The following CEP112 variants were observed in gnomAD, a reference collection of about 807,000 sequenced individuals.
CEP112 encodes centrosomal protein of 112 kDa.
Under a neutral mutation model 153.0 loss-of-function variants are expected in CEP112, and 127 were observed. The observed-to-expected ratio is 0.83, with a 90% confidence interval of 0.72 to 0.96. The LOEUF is 0.96. CEP112 is among the 40% of genes least tolerant of loss of function. The pLI, the probability that CEP112 is intolerant of heterozygous loss-of-function variation, is 0.00. For missense variants in CEP112, 1,089 were observed against 1,101.2 expected (o/e 0.99, Z 0.16); for synonymous variants, 358 against 374.4 (o/e 0.96, Z 0.51).
chr17:66,080,551 T>A (rs1406782080), intron 8 of CEP112, among the ~76,000 whole-genome samples: 1 of 152,228 alleles, frequency 6.6e-6, no homozygotes, highest in Non-Finnish European at 1.5e-5. Context: ...GGGACACTTT[T>A]ACGCTGTTGG....
intron 16 of CEP112, among the ~76,000 whole-genome samples, chr17:66,017,842 A>G (rs755524720): frequency 1.2e-4 from 19 of 152,144 alleles, no homozygotes; most frequent in Admixed American, 3.3e-4. Context: ...TCTACTAAAA[A>G]TAGAAAAATC....
At chr17:65,982,487 A>C (rs1568335780) in intron 17 of CEP112, among the ~76,000 whole-genome samples, 1 of 152,248 alleles carries the variant, frequency 6.6e-6, no homozygotes, top group Non-Finnish European at 1.5e-5. Context: ...TGATGGTTTG[A>C]ATTCTTGAAC....
intron 24 of CEP112, among the ~76,000 whole-genome samples, chr17:65,652,524 T>C (rs927035271): frequency 2.6e-5 from 4 of 152,046 alleles, no homozygotes; most frequent in Non-Finnish European, 5.9e-5. Flanking sequence ...CATTTATATA[T>C]ATATTCCATT....
At position 65,868,759 on chromosome 17, in the gene CEP112, G is replaced by A. The variant is rs80165180; in HGVS notation, c.2164-16725C>T. Among the ~76,000 whole-genome samples the A allele has an allele frequency of 2.7e-3, 414 of 152,180 alleles. 1 individual carries two copies. Among genetic ancestry groups the A allele is most frequent in the African/African-American group, 9.6e-3 (398 of 41,508 alleles). ...ATATGTTCATTAGCATTTAAAAACT[G>A]AAATTCATCTAAACAGTGAAAATTA... On this transcript the variant is annotated intron_variant, in intron 20 of 26. Coordinates refer to ENST00000535342, the MANE Select transcript of CEP112 (RefSeq NM_001199165.4).
chr17:65,750,145 T>C (rs1017553898), intron 22 of CEP112, among the ~76,000 whole-genome samples: 13 of 152,224 alleles, frequency 8.5e-5, no homozygotes, highest in Non-Finnish European at 1.8e-4. Context: ...TAAGTACAAA[T>C]AGCAAGTTAT....
intron 11 of CEP112, among the ~76,000 whole-genome samples, chr17:66,056,319 G>A (rs934578258): frequency 6.6e-6 from 1 of 152,118 alleles, no homozygotes; most frequent in Admixed American, 6.5e-5. Context: ...CAGCCACTGT[G>A]GAAAACACTT....
chr17:66,129,936 GAGGA>G (rs1024192283), intron 5 of CEP112, 113 bp from the exon 6 acceptor site: 3 of 569,804 alleles, frequency 5.3e-6, no homozygotes, highest in Admixed American at 3.8e-5. Context: ...GGGAAATAAA[GAGGA>G]AGGAAGTAAA....
intron 23 of CEP112, among the ~76,000 whole-genome samples, chr17:65,729,769 T>G (rs12325672): frequency 3.9e-5 from 6 of 151,904 alleles, no homozygotes; most frequent in Non-Finnish European, 2.9e-5. Flanking sequence ...ACTAGCTGGG[T>G]GTGGTGACGC....
chr17:65,680,103 G>A (rs2047441387), intron 24 of CEP112, among the ~76,000 whole-genome samples: 1 of 152,154 alleles, frequency 6.6e-6, no homozygotes, highest in Admixed American at 6.5e-5. Flanking sequence ...TTGTTTTAGA[G>A]GAGAGCAGAA....
chr17:65,816,138 C>A (rs1453445354), intron 21 of CEP112, among the ~76,000 whole-genome samples: 2 of 151,628 alleles, frequency 1.3e-5, no homozygotes, highest in Admixed American at 1.3e-4. Context: ...GGTGTCTTTT[C>A]TTTTTAAAAA....
At chr17:66,186,024 TTCTCTCTCTC>T in intron 1 of CEP112, among the ~76,000 whole-genome samples, 1 of 146,154 alleles carries the variant, frequency 6.8e-6, no homozygotes, top group South Asian at 2.2e-4. Flanking sequence ...ATCTCTCTCA[TTCTCTCTCTC>T]TCTCTCTCTC....
intron 24 of CEP112, among the ~76,000 whole-genome samples, chr17:65,683,420 A>T (rs935541329): frequency 6.6e-6 from 1 of 152,214 alleles, no homozygotes; most frequent in Non-Finnish European, 1.5e-5. Context: ...GCTGCAAAAA[A>T]ATACTGAGCA....
intron 18 of CEP112, among the ~76,000 whole-genome samples, chr17:65,950,699 C>CTATTATTATTATTATTATTATTATTAG (rs57598697): frequency 2.0e-5 from 3 of 147,134 alleles, no homozygotes; most frequent in South Asian, 2.2e-4. Flanking sequence ...GGATACATTA[C>CTATTATTATTATTATTATTATTATTAG]TAGTAGTAGT....
At chr17:65,868,888 G>T (rs556963323) in intron 20 of CEP112, among the ~76,000 whole-genome samples, 1 of 152,140 alleles carries the variant, frequency 6.6e-6, no homozygotes, top group Non-Finnish European at 1.5e-5. Flanking sequence ...TTACAGGTGA[G>T]GCAACATTTT....
chr17:66,154,601 A>C (rs2051954561), intron 4 of CEP112, among the ~76,000 whole-genome samples: 2 of 152,172 alleles, frequency 1.3e-5, no homozygotes, highest in Non-Finnish European at 2.9e-5. Flanking sequence ...CATGACCCCT[A>C]CCTCACTTCA....
chr17:65,921,779 A>G (rs2060737732), intron 19 of CEP112, among the ~76,000 whole-genome samples: 1 of 152,152 alleles, frequency 6.6e-6, no homozygotes, highest in Non-Finnish European at 1.5e-5. Context: ...GGTATCCCTT[A>G]TTGTGTTAGT....
intron 4 of CEP112, among the ~76,000 whole-genome samples, chr17:66,157,178 T>C (rs1482716309): frequency 2.0e-5 from 3 of 152,206 alleles, no homozygotes. Context: ...ACATCGGATC[T>C]CTTGGCAGAA....
At chr17:65,993,185 T>C (rs2063659955) in intron 17 of CEP112, among the ~76,000 whole-genome samples, 2 of 152,176 alleles carry the variant, frequency 1.3e-5, no homozygotes, top group African/African-American at 2.4e-5. Context: ...AGTGAGAACA[T>C]GTGGTGTTTG....
intron 21 of CEP112, among the ~76,000 whole-genome samples, chr17:65,830,964 T>C (rs2057051422): frequency 6.6e-6 from 1 of 152,224 alleles, no homozygotes; most frequent in Non-Finnish European, 1.5e-5. Flanking sequence ...GGCAATGAGT[T>C]TGTTCCACTG....
Sources: allele counts gnomAD v4.1 joint callset (sites outside exome capture counted in the v4.1 genomes callset), GRCh38; gene constraint gnomAD v4.1.1; transcripts MANE v1.5; gene names NCBI Gene and HGNC (gene_info 2026-07-23, HGNC 2026-07-21).